The following BCL7A variants were observed in gnomAD, a reference collection of about 807,000 sequenced individuals.
The protein encoded by BCL7A is B-cell CLL/lymphoma 7 protein family member A.
BCL7A carries 11 observed loss-of-function variants against 28.4 expected under a neutral mutation model. The ratio of observed to expected loss-of-function variants is 0.39; its 90% confidence interval spans 0.24 to 0.64. The LOEUF (loss-of-function observed/expected upper bound fraction) is 0.64, where lower values mean the gene tolerates loss of function less well. BCL7A is among the 30% of genes least tolerant of loss of function. BCL7A has a pLI of 0.50. For missense variants in BCL7A, 222 were observed against 274.8 expected (o/e 0.81, Z 1.36); for synonymous variants, 123 against 103.3 (o/e 1.19, Z -1.15).
intron 4 of BCL7A, among the ~76,000 whole-genome samples, chr12:122,046,796 C>T (rs889808002): frequency 5.3e-5 from 8 of 152,188 alleles, no homozygotes; most frequent in African/African-American, 1.9e-4. Context: ...GAGACCCTTC[C>T]CTGTTGTCTC....
Position 122,061,416 on chromosome 12 carries a change from C to T in BCL7A, c.*2253C>T. 1 of 231,860 alleles carries T rather than the reference C, an allele frequency of 4.3e-6. No homozygotes were observed. Among genetic ancestry groups the T allele is most frequent in the Non-Finnish European group, 8.5e-6 (1 of 117,178 alleles). The allele number at this position is 231,860 out of a possible 1,614,324, so 14.4% of individuals were successfully genotyped here. ...GGGCCGGCGATTGGGACCAGCTGGG[C>T]CCCACCACGGCCACGCCAGGCAAAG... On this transcript the variant is annotated 3_prime_UTR_variant, in exon 6 of 6. Transcript: ENST00000261822.
At chr12:122,025,757 C>G (rs1292821103) in intron 1 of BCL7A, among the ~76,000 whole-genome samples, 1 of 151,020 alleles carries the variant, frequency 6.6e-6, no homozygotes, top group Non-Finnish European at 1.5e-5. Context: ...ACCAGCCTGG[C>G]CAACATGGTG....
chr12:122,022,034 G>A lies in BCL7A; in HGVS notation c.-58G>A, dbSNP rs1883470722. 2 of 1,467,714 alleles carry A rather than the reference G, an allele frequency of 1.4e-6. No individual in the cohort carries two copies. Among genetic ancestry groups the A allele is most frequent in the Admixed American group, 2.1e-5 (1 of 46,560 alleles). 90.9% of individuals were successfully genotyped at this position (1,467,714 alleles called of 1,614,324 possible). A position where few individuals can be genotyped will look rare whatever the true frequency, so the allele number is the denominator to read the frequency against. ...GGGCGGGCGCGAGTGTGGCCGCCGC[G>A]GAGCGCGAGCAGGACCCGGCGGGCG... On this transcript the variant is annotated 5_prime_UTR_variant, in exon 1 of 6. Transcript: ENST00000261822.
At chr12:122,025,191 G>A (rs573981738) in intron 1 of BCL7A, among the ~76,000 whole-genome samples, 5 of 152,264 alleles carry the variant, frequency 3.3e-5, no homozygotes, top group South Asian at 4.1e-4. Context: ...GGAGACGAAA[G>A]CTTGGGCTGC....
chr12:122,043,647 C>A (rs1464119101), intron 3 of BCL7A, among the ~76,000 whole-genome samples: 3 of 151,618 alleles, frequency 2.0e-5, no homozygotes, highest in Non-Finnish European at 4.4e-5. Context: ...TGGCAAGTAC[C>A]TGTAATCCCA....
chr12:122,023,182 A>G (rs1262385887), intron 1 of BCL7A, among the ~76,000 whole-genome samples: 2 of 152,104 alleles, frequency 1.3e-5, no homozygotes, highest in African/African-American at 4.8e-5. Context: ...CCCGAGGCGC[A>G]AGCAGATCGC....
rs150096284 is a variant in BCL7A at position 122,053,111 on chromosome 12, C to T, written c.440-1694C>T. ...TCCTGGGTTCAAACGATTCTCCTGCCTCAGCCTCCGAGTAACTGGGATTAC... is the reference window on the plus strand; with the variant it reads ...TCCTGGGTTCAAACGATTCTCCTGCTTCAGCCTCCGAGTAACTGGGATTAC... On this transcript the variant is annotated intron_variant, in intron 4 of 5. Coordinates refer to ENST00000261822, the MANE Select transcript of BCL7A (RefSeq NM_001024808.3). 1.1e-4 allele frequency among the ~76,000 whole-genome samples: 17 copies of T among 152,222 alleles called. No homozygotes were observed. The East Asian group carries it at 3.3e-3, about 29-fold the overall frequency.
intron 1 of BCL7A, among the ~76,000 whole-genome samples, chr12:122,025,671 C>T (rs1285764177): frequency 4.7e-5 from 7 of 149,662 alleles, no homozygotes; most frequent in Non-Finnish European, 4.4e-5. Flanking sequence ...TTAGTCTGGA[C>T]GCAGTGGCTC....
At chr12:122,027,628 A>G (rs1047230055) in intron 1 of BCL7A, among the ~76,000 whole-genome samples, 4 of 152,288 alleles carry the variant, frequency 2.6e-5, no homozygotes, top group African/African-American at 9.6e-5. Flanking sequence ...ACCTGAGGTC[A>G]AGAGTTTGAT....
At chr12:122,054,226 A>G (rs77121698) in intron 4 of BCL7A, among the ~76,000 whole-genome samples, 3,157 of 151,980 alleles carry the variant, frequency 0.021, 120 homozygotes, top group African/African-American at 0.073. Context: ...GTGGGACTAC[A>G]GGCGCCCGCC....
intron 1 of BCL7A, among the ~76,000 whole-genome samples, chr12:122,026,266 C>CAAAAAAAA (rs78577517): frequency 2.0e-5 from 1 of 49,464 alleles, no homozygotes; most frequent in Admixed American, 2.3e-4. Flanking sequence ...GACTCCGTCT[C>CAAAAAAAA]AAAAAAAAAA....
chr12:122,047,860 T>C (rs1281031142), intron 4 of BCL7A, among the ~76,000 whole-genome samples: 2 of 148,078 alleles, frequency 1.4e-5, no homozygotes, highest in Non-Finnish European at 3.0e-5. Context: ...CTATCAGAAG[T>C]GGAGGTGGAA....
In BCL7A at chr12:122,059,073, C is replaced by G. The variant is rs201267138; in HGVS notation, c.562-19C>G. On this transcript the variant is annotated intron_variant, in intron 5 of 5. Transcript: ENST00000261822. This position sits in a 1 kb window ranked among gnomAD's most constrained non-coding sequence, Gnocchi z 4.0. ...TCCTGGCCCATTAACCTGTGTTCCCCTTTTCTCCTCTCCCCAAGGATTTGG... is the reference window on the plus strand; with the variant it reads ...TCCTGGCCCATTAACCTGTGTTCCCGTTTTCTCCTCTCCCCAAGGATTTGG... 2.4e-5 allele frequency: 39 copies of G among 1,591,982 alleles called. No homozygotes were observed. In the East Asian group the frequency reaches 8.3e-4, roughly 34 times the overall value.
Position 122,022,168 on chromosome 12 carries a change from A to C in BCL7A, c.77A>C (p.Glu26Ala), listed in dbSNP as rs1883477151. 1 of 1,555,906 alleles carries C rather than the reference A, an allele frequency of 6.4e-7. No individual in the cohort carries two copies. The highest frequency in any genetic ancestry group is 8.7e-7 in the Non-Finnish European group (1 of 1,149,804). The change falls in exon 1 of 6, where the codon GAG (glutamate) becomes GCG (alanine). Residue 26 changes from glutamate to alanine, a missense_variant. Glu to Ala is a moderately radical substitution (Grantham distance 107, BLOSUM62 -1). Around this residue, in one of 2 missense-constraint regions of BCL7A, gnomAD observed 67 missense variants for 129.1 expected, o/e 0.52. Transcript: ENST00000261822. ...DDIKRVMAAI[E>A]KVRKWEKKWV... Reference sequence around the variant, plus strand: ...ATCAAGAGGGTCATGGCGGCGATCGAGAAAGTGCGCAAATGGTAAGCGGAG... The same window carrying C: ...ATCAAGAGGGTCATGGCGGCGATCGCGAAAGTGCGCAAATGGTAAGCGGAG...
At chr12:122,037,055 A>G (rs1883870943) in intron 3 of BCL7A, among the ~76,000 whole-genome samples, 1 of 152,134 alleles carries the variant, frequency 6.6e-6, no homozygotes, top group Non-Finnish European at 1.5e-5. Flanking sequence ...AAATCAGGAA[A>G]TCTCCGTCCT....
chr12:122,053,660 G>T (rs931633628), intron 4 of BCL7A, among the ~76,000 whole-genome samples: 1 of 151,808 alleles, frequency 6.6e-6, no homozygotes. Flanking sequence ...AACCGCTGCC[G>T]CCACTGCCTC....
intron 4 of BCL7A, among the ~76,000 whole-genome samples, chr12:122,048,213 A>ATT (rs35663038): frequency 2.0e-5 from 3 of 149,106 alleles, no homozygotes; most frequent in African/African-American, 7.4e-5. Context: ...TGAGAAAGCT[A>ATT]TTTTTTTTTT....
intron 3 of BCL7A, among the ~76,000 whole-genome samples, chr12:122,041,892 A>G (rs1462324442): frequency 1.3e-5 from 2 of 152,210 alleles, no homozygotes; most frequent in African/African-American, 4.8e-5. Context: ...AACATGGCGA[A>G]ACCCCGTCTC....
At chr12:122,022,556 G>C (rs1336705240) in intron 1 of BCL7A, among the ~76,000 whole-genome samples, 1 of 145,008 alleles carries the variant, frequency 6.9e-6, no homozygotes, top group Admixed American at 6.8e-5. Flanking sequence ...TCACATGAAA[G>C]CGGCTTCCCG....
Sources: allele counts gnomAD v4.1 joint callset (sites outside exome capture counted in the v4.1 genomes callset), GRCh38; gene constraint gnomAD v4.1.1; regional missense constraint gnomAD v4.1.1; non-coding constraint Gnocchi (gnomAD v3.1); transcripts MANE v1.5; gene names NCBI Gene and HGNC (gene_info 2026-07-23, HGNC 2026-07-21).